The following SSBP2 variants were observed in gnomAD, a reference collection of about 807,000 sequenced individuals.
The protein encoded by SSBP2 is single stranded DNA binding protein 2, also known as single-stranded DNA-binding protein 2.
A neutral mutation model predicts 61.8 loss-of-function variants in SSBP2; 17 were observed. That is an observed-to-expected ratio of 0.28 (90% CI 0.19 to 0.41). The LOEUF (loss-of-function observed/expected upper bound fraction) is 0.41, where lower values mean the gene tolerates loss of function less well. Ranked by LOEUF, SSBP2 falls within the 10% of genes least tolerant of loss-of-function variation. The pLI is 1.00. For synonymous variants in SSBP2, 139 were observed against 141.3 expected, an observed-to-expected ratio of 0.98 and a Z score of 0.12; for missense variants, 310 against 458.7, an observed-to-expected ratio of 0.68 and a Z score of 2.96.
chr5:81,630,158 G>A (rs1332346200), intron 3 of SSBP2, among the ~76,000 whole-genome samples: 1 of 152,222 alleles, frequency 6.6e-6, no homozygotes, highest in East Asian at 1.9e-4. Flanking sequence ...GTAAGTTCCT[G>A]AAGAATGCAT....
intron 3 of SSBP2, 28 bp downstream of exon 3, chr5:81,636,529 C>T (rs771204712): frequency 1.3e-6 from 2 of 1,568,560 alleles, no homozygotes. Context: ...ATCATCAAGC[C>T]AGTAAAAATG....
At chr5:81,467,189 T>C (rs1053537573) in intron 8 of SSBP2, 124 bp from the exon 9 acceptor site, 14 of 535,154 alleles carry the variant, frequency 2.6e-5, no homozygotes, top group African/African-American at 7.6e-5. Context: ...AGGGGTCCAT[T>C]CTTGTATTTT....
intron 3 of SSBP2, among the ~76,000 whole-genome samples, chr5:81,634,415 C>T (rs931663895): frequency 3.3e-5 from 5 of 152,106 alleles, no homozygotes; most frequent in Admixed American, 2.0e-4. Context: ...ATTGAAGTCT[C>T]GTGTCTCCCT....
At chr5:81,684,158 T>C (rs967278257) in intron 1 of SSBP2, among the ~76,000 whole-genome samples, 7 of 152,232 alleles carry the variant, frequency 4.6e-5, no homozygotes, top group African/African-American at 1.7e-4. Context: ...CAAATGTTTA[T>C]GGCAGCTTTA....
intron 9 of SSBP2, 80 bp downstream of exon 9, chr5:81,466,894 A>T: frequency 1.1e-6 from 1 of 869,860 alleles, no homozygotes; most frequent in Non-Finnish European, 1.7e-6. Flanking sequence ...ACACTTTACT[A>T]AATAGAATAA....
intron 3 of SSBP2, among the ~76,000 whole-genome samples, chr5:81,631,722 T>TTCA (rs917085679): frequency 3.9e-5 from 6 of 152,052 alleles, no homozygotes; most frequent in Admixed American, 2.0e-4. Context: ...CTCTTAAAAA[T>TTCA]TCATCATCAT....
At chr5:81,686,868 A>G (rs1457092807) in intron 1 of SSBP2, among the ~76,000 whole-genome samples, 2 of 59,468 alleles carry the variant, frequency 3.4e-5, no homozygotes, top group Non-Finnish European at 6.2e-5. Context: ...AAAAAAAAAA[A>G]AAAAGAAAAG....
chr5:81,533,551 T>C (rs544395042), intron 4 of SSBP2, among the ~76,000 whole-genome samples: 1 of 152,014 alleles, frequency 6.6e-6, no homozygotes, highest in Non-Finnish European at 1.5e-5. Flanking sequence ...TGTTACGCCA[T>C]GTAAGAACTT....
In SSBP2 at chr5:81,634,767, T is replaced by C. The variant is rs1251537249; in HGVS notation, c.197+1790A>G. Among the ~76,000 whole-genome samples the C allele has an allele frequency of 6.6e-5, 10 of 152,224 alleles. No homozygotes were observed. The East Asian group carries it at 1.7e-3, about 26-fold the overall frequency. ...TCTCTGCCTTTCACCTCTAAGTCTC[T>C]GCACATGGTATGGTTGATCCAAAAC... is the stretch of plus-strand genomic sequence containing the variant. On this transcript the variant is annotated intron_variant, in intron 3 of 16. Coordinates refer to ENST00000320672, the MANE Select transcript of SSBP2 (RefSeq NM_012446.5).
chr5:81,536,276 CA>C (rs1770793790), intron 4 of SSBP2, among the ~76,000 whole-genome samples: 1 of 152,100 alleles, frequency 6.6e-6, no homozygotes, highest in South Asian at 2.1e-4. Flanking sequence ...CTTCAAAATG[CA>C]AAAGATACAA....
At chr5:81,479,466 T>C (rs935684768) in intron 6 of SSBP2, among the ~76,000 whole-genome samples, 1 of 152,054 alleles carries the variant, frequency 6.6e-6, no homozygotes, top group African/African-American at 2.4e-5. Flanking sequence ...AATTTGTGTA[T>C]TTTTAGTAGA....
chr5:81,541,668 G>T (rs1488069153), intron 4 of SSBP2, among the ~76,000 whole-genome samples: 3 of 152,102 alleles, frequency 2.0e-5, no homozygotes, highest in African/African-American at 7.2e-5. Flanking sequence ...ATACTAAATG[G>T]GAAAAGGACC....
chr5:81,451,842 A>G (rs1215280317), intron 10 of SSBP2, among the ~76,000 whole-genome samples: 1 of 112,152 alleles, frequency 8.9e-6, no homozygotes, highest in Non-Finnish European at 1.6e-5. Flanking sequence ...AATTTCTTTC[A>G]ATTTTTTGCC....
At chr5:81,585,203 C>T (rs1581092918) in intron 4 of SSBP2, among the ~76,000 whole-genome samples, 1 of 152,150 alleles carries the variant, frequency 6.6e-6, no homozygotes, top group East Asian at 1.9e-4. Context: ...ACCCCATACT[C>T]AATCCTCCCT....
At chr5:81,531,741 T>C (rs910778206) in intron 4 of SSBP2, among the ~76,000 whole-genome samples, 4 of 151,934 alleles carry the variant, frequency 2.6e-5, no homozygotes, top group Admixed American at 2.6e-4. Flanking sequence ...GACAGTAAAG[T>C]GGAGGTTTTG....
At chr5:81,638,625 C>CT (rs1179727027) in intron 2 of SSBP2, among the ~76,000 whole-genome samples, 11 of 150,848 alleles carry the variant, frequency 7.3e-5, no homozygotes, top group African/African-American at 2.0e-4. Context: ...CCTGTAAAAA[C>CT]TTTATTACAT....
chr5:81,732,755 A>T (rs1756350807), intron 1 of SSBP2, among the ~76,000 whole-genome samples: 1 of 152,202 alleles, frequency 6.6e-6, no homozygotes, highest in Non-Finnish European at 1.5e-5. Flanking sequence ...AGTTTTGTGC[A>T]AGTGCACCTA....
intron 1 of SSBP2, among the ~76,000 whole-genome samples, chr5:81,663,649 G>GA (rs1750880967): frequency 1.3e-5 from 2 of 151,752 alleles, no homozygotes; most frequent in Admixed American, 6.6e-5. Flanking sequence ...TATACAATGA[G>GA]AAATCTAACT....
At chr5:81,597,588 G>C (rs1299383428) in intron 4 of SSBP2, among the ~76,000 whole-genome samples, 1 of 152,124 alleles carries the variant, frequency 6.6e-6, no homozygotes, top group East Asian at 1.9e-4. Flanking sequence ...ATTCACAATA[G>C]CAAAGACTTG....
Sources: gnomAD v4.1 joint callset for allele counts (sites outside exome capture counted in the v4.1 genomes callset) on GRCh38, gnomAD v4.1.1 for gene constraint, MANE v1.5 for transcripts, NCBI Gene and HGNC (gene_info 2026-07-23, HGNC 2026-07-21) for gene names.